KHDC1: variants seen among roughly 807,000 people sequenced by gnomAD.
KHDC1 encodes KH homology domain-containing protein 1.
Under a neutral mutation model 24.7 loss-of-function variants are expected in KHDC1, and 21 were observed. That is an observed-to-expected ratio of 0.85 (90% CI 0.60 to 1.23). The LOEUF (loss-of-function observed/expected upper bound fraction) is 1.23, where lower values mean the gene tolerates loss of function less well. KHDC1 is among the 50% of genes most tolerant of loss of function. The probability of loss-of-function intolerance (pLI) is 0.00; values close to 1 mark genes in which losing one functional copy is unlikely to be tolerated. For missense variants in KHDC1, 274 were observed against 298.5 expected (o/e 0.92, Z 0.61); for synonymous variants, 98 against 111.7 (o/e 0.88, Z 0.77).
chr6:73,254,039 C>T (rs188145715), intron 2 of KHDC1, among the ~76,000 whole-genome samples: 46 of 152,226 alleles, frequency 3.0e-4, no homozygotes, highest in African/African-American at 1.1e-3. Flanking sequence ...ACCTTAGGAA[C>T]ATCAAACATT....
chr6:73,263,400 G>T, intron 2 of KHDC1: 1 of 549,618 alleles, frequency 1.8e-6, no homozygotes, highest in Non-Finnish European at 2.3e-6. Context: ...CCATTGCTGA[G>T]CCAGCGGAGC....
chr6:73,251,721 A>G (rs975985366), intron 2 of KHDC1, among the ~76,000 whole-genome samples: 8 of 152,318 alleles, frequency 5.3e-5, no homozygotes, highest in African/African-American at 1.2e-4. Context: ...AAGGAAGTAC[A>G]CAGTTTGATG....
intron 2 of KHDC1, among the ~76,000 whole-genome samples, chr6:73,251,525 A>G (rs1278949765): frequency 1.3e-5 from 2 of 152,206 alleles, no homozygotes; most frequent in African/African-American, 4.8e-5. Context: ...TGTACCAGAA[A>G]AATATTGACA....
intron 2 of KHDC1, among the ~76,000 whole-genome samples, chr6:73,265,338 T>C (rs1029540846): frequency 3.3e-5 from 5 of 152,096 alleles, no homozygotes. Flanking sequence ...AAGATCAGCC[T>C]GGCCAACATG....
rs528036663 is a variant in KHDC1 at position 73,307,382 on chromosome 6, G to A, written c.163+2170C>T. Among the ~76,000 whole-genome samples, 4 of 152,196 alleles carry A rather than the reference G, an allele frequency of 2.6e-5. No homozygotes were observed. The South Asian group carries it at 8.3e-4, about 32-fold the overall frequency. On this transcript the variant is annotated intron_variant, in intron 1 of 4. Coordinates refer to ENST00000370384, the Ensembl canonical transcript of KHDC1. ...GGAGGTTGCAATGAGCCGAGATCAG[G>A]CCACTGCACTCCAGCCTGGCGACAG...
intron 1 of KHDC1, among the ~76,000 whole-genome samples, chr6:73,302,112 C>A (rs113957020): frequency 2.0e-5 from 3 of 151,956 alleles, no homozygotes; most frequent in Non-Finnish European, 2.9e-5. Flanking sequence ...ACTGGTGAAA[C>A]CCCACCTCTA....
rs113685759 is a variant in KHDC1, at chr6:73,256,702, A to T, written c.207-14172T>A. Among the ~76,000 whole-genome samples, 262 of 152,250 alleles carry T rather than the reference A, an allele frequency of 1.7e-3. 2 individuals are homozygous for T. Among genetic ancestry groups the T allele is most frequent in the Middle Eastern group, 6.8e-3 (2 of 294 alleles). ...AGAAAGGTGCCTGTTGTTATAAGAC[A>T]TTTCCACGTGTCTCATCTCATATAA... On this transcript the variant is annotated intron_variant, in intron 2 of 4. Coordinates refer to ENST00000370384, the Ensembl canonical transcript of KHDC1.
intron 2 of KHDC1, among the ~76,000 whole-genome samples, chr6:73,248,393 GTC>G (rs200247212): frequency 6.7e-6 from 1 of 150,170 alleles, no homozygotes; most frequent in Non-Finnish European, 1.5e-5. Context: ...TCCTCTATCT[GTC>G]TCTCTCTCCT....
intron 2 of KHDC1, among the ~76,000 whole-genome samples, chr6:73,278,302 C>T (rs925127974): frequency 5.9e-5 from 9 of 151,982 alleles, no homozygotes; most frequent in East Asian, 1.9e-4. Context: ...CAGGCGTGAG[C>T]CATGGCGCCT....
exon 1 of KHDC1, chr6:73,309,814 CG>C: frequency 1.4e-6 from 2 of 1,399,128 alleles, no homozygotes; most frequent in South Asian, 2.7e-5. Context: ...GACCAGACAC[CG>C]ACGGAGAAGC....
At chr6:73,267,851 T>TC (rs398110279) in intron 2 of KHDC1, among the ~76,000 whole-genome samples, 11 of 151,958 alleles carry the variant, frequency 7.2e-5, no homozygotes, top group African/African-American at 2.7e-4. Context: ...TTTTTTTTTT[T>TC]CTGAGATGGA....
Position 73,264,263 on chromosome 6 carries a change from T to C in KHDC1, c.207-21733A>G, listed in dbSNP as rs1767042276. ...TCTTATCTAGGTTGCGTCTTTTTCA[T>C]TGAAATCACGAAATCATTAAGGTAA... On this transcript the variant is annotated intron_variant, in intron 2 of 4. Transcript: ENST00000370384. Among the ~76,000 whole-genome samples the C allele has an allele frequency of 2.0e-5, 3 of 152,276 alleles. No homozygotes were observed. The South Asian group carries it at 6.2e-4, about 32-fold the overall frequency.
At chr6:73,308,070 A>ATTTTTTTT (rs35521120) in intron 1 of KHDC1, among the ~76,000 whole-genome samples, 1 of 111,984 alleles carries the variant, frequency 8.9e-6, no homozygotes, top group Non-Finnish European at 1.8e-5. Context: ...GGCCCAGCTA[A>ATTTTTTTT]TTTTTTTTTT....
chr6:73,279,036 C>G (rs1172711546), intron 2 of KHDC1, among the ~76,000 whole-genome samples: 1 of 152,196 alleles, frequency 6.6e-6, no homozygotes, highest in Admixed American at 6.5e-5. Flanking sequence ...CAGTTAAACA[C>G]TAGATGATTG....
chr6:73,249,259 C>T (rs974371362), intron 2 of KHDC1, among the ~76,000 whole-genome samples: 3 of 151,734 alleles, frequency 2.0e-5, no homozygotes, highest in South Asian at 2.1e-4. Context: ...CCAGCCGAGG[C>T]GACAGAGTGA....
rs564747296 is a variant in KHDC1, at chr6:73,241,966, A to T, written c.514+89T>A. On this transcript the variant is annotated intron_variant, in intron 4 of 4. Transcript: ENST00000370384. ...AGCACTTGGATTCCCCAGCCACACA[A>T]GGGATTCTTCAAGAATCCAAGATGC... is the stretch of plus-strand genomic sequence containing the variant. The T allele has an allele frequency of 2.0e-5, 27 of 1,378,088 alleles. No homozygotes were observed. In the African/African-American group the frequency reaches 3.5e-4, roughly 18 times the overall value. The allele number at this position is 1,378,088 out of a possible 1,614,324, so 85.4% of individuals were successfully genotyped here.
intron 2 of KHDC1, among the ~76,000 whole-genome samples, chr6:73,282,857 A>C (rs1767440745): frequency 6.6e-6 from 1 of 151,878 alleles, no homozygotes; most frequent in Admixed American, 6.6e-5. Context: ...ATCCTTAAAA[A>C]CTCTGATCCC....
At chr6:73,286,793 G>A (rs964831602) in intron 2 of KHDC1, among the ~76,000 whole-genome samples, 2 of 151,278 alleles carry the variant, frequency 1.3e-5, no homozygotes, top group Non-Finnish European at 2.9e-5. Context: ...CGAGGCAGGA[G>A]AATCACTTGA....
At chr6:73,278,263 C>A (rs923248039) in intron 2 of KHDC1, among the ~76,000 whole-genome samples, 2 of 151,750 alleles carry the variant, frequency 1.3e-5, no homozygotes, top group East Asian at 3.9e-4. Context: ...GTGATCCCCC[C>A]ACCTCGGCCT....
Sources: gnomAD v4.1 joint callset for allele counts (sites outside exome capture counted in the v4.1 genomes callset) on GRCh38, gnomAD v4.1.1 for gene constraint, MANE v1.5 for transcripts, NCBI Gene and HGNC (gene_info 2026-07-23, HGNC 2026-07-21) for gene names.